Variants in CGGBP1 observed in about 807,000 individuals in gnomAD.
CGGBP1 encodes CGG triplet repeat-binding protein 1.
Under a neutral mutation model 11.4 loss-of-function variants are expected in CGGBP1, and 4 were observed. The ratio of observed to expected loss-of-function variants is 0.35; its 90% CI spans 0.17 to 0.80. The LOEUF is 0.80. CGGBP1 is among the 30% of genes least tolerant of loss of function. CGGBP1 has a pLI of 0.52. For synonymous variants in CGGBP1, 76 were observed against 74.1 expected, an observed-to-expected ratio of 1.03 and a Z score of -0.13; for missense variants, 135 against 202.1, an observed-to-expected ratio of 0.67 and a Z score of 2.01.
At chr3:88,056,839 ATTT>A (rs1367362839) in intron 3 of CGGBP1, 3 of 152,190 alleles carry the variant, frequency 2.0e-5, no homozygotes, top group Non-Finnish European at 4.4e-5. Context: ...TTGTCCAAAT[ATTT>A]ATATTTATTT....
chr3:88,146,758 C>G (rs1317232275), intron 1 of CGGBP1, among the ~76,000 whole-genome samples: 1 of 152,082 alleles, frequency 6.6e-6, no homozygotes, highest in Non-Finnish European at 1.5e-5. Context: ...TTTGCCTGTC[C>G]CATCTCATTC....
At chr3:88,071,664 C>G (rs550359883) in intron 2 of CGGBP1, among the ~76,000 whole-genome samples, 1 of 151,546 alleles carries the variant, frequency 6.6e-6, no homozygotes, top group Non-Finnish European at 1.5e-5. Context: ...ATTAGCCGGG[C>G]GTGGTGGCGG....
chr3:88,130,353 A>G (rs888957031), intron 2 of CGGBP1, among the ~76,000 whole-genome samples: 1 of 152,190 alleles, frequency 6.6e-6, no homozygotes, highest in African/African-American at 2.4e-5. Context: ...TGAAATGATC[A>G]TGGGCTATAA....
intron 2 of CGGBP1, among the ~76,000 whole-genome samples, chr3:88,085,167 GTTC>G (rs925504953): frequency 3.9e-5 from 6 of 152,200 alleles, no homozygotes; most frequent in Admixed American, 2.0e-4. Flanking sequence ...GGCTCTGAGT[GTTC>G]TTGGCTTTTC....
chr3:88,127,104 T>G lies in CGGBP1; in HGVS notation c.-229+13866A>C. ...CAGTAACAGTGAATAAGCACTAAAG[T>G]GTAGAAAACATTTAAAAGTGTGGAG... On this transcript the variant is annotated intron_variant, in intron 2 of 3. Transcript: ENST00000462901. 1.3e-5 allele frequency among the ~76,000 whole-genome samples: 2 copies of G among 152,054 alleles called. 1 individual carries two copies. Among genetic ancestry groups the G allele is most frequent in the East Asian group, 3.9e-4 (2 of 5,182 alleles).
intron 2 of CGGBP1, among the ~76,000 whole-genome samples, chr3:88,131,696 G>C (rs1176551038): frequency 6.6e-6 from 1 of 152,098 alleles, no homozygotes; most frequent in Non-Finnish European, 1.5e-5. Context: ...GGAGTCTTTA[G>C]CCTTCTTTTT....
intron 2 of CGGBP1, among the ~76,000 whole-genome samples, chr3:88,115,172 T>C (rs1705316350): frequency 6.6e-6 from 1 of 152,198 alleles, no homozygotes; most frequent in Non-Finnish European, 1.5e-5. Flanking sequence ...GGAGGGGACC[T>C]GATAGTCTGC....
chr3:88,100,036 C>G (rs1704315245), intron 2 of CGGBP1, among the ~76,000 whole-genome samples: 1 of 152,138 alleles, frequency 6.6e-6, no homozygotes, highest in Non-Finnish European at 1.5e-5. Context: ...AGTGAACAGG[C>G]AACCTGCAGA....
At chr3:88,108,168 C>T (rs1357536794) in intron 2 of CGGBP1, among the ~76,000 whole-genome samples, 4 of 151,410 alleles carry the variant, frequency 2.6e-5, no homozygotes, top group Non-Finnish European at 5.9e-5. Context: ...TATATGAATT[C>T]AGGTCACGAC....
chr3:88,095,613 G>T, intron 2 of CGGBP1: 1 of 517,888 alleles, frequency 1.9e-6, no homozygotes, highest in South Asian at 1.4e-5. Context: ...GATCTTTTCT[G>T]GTTCTAGTCT....
upstream of CGGBP1, chr3:88,059,298 C>A: frequency 6.5e-7 from 1 of 1,531,922 alleles, no homozygotes; most frequent in South Asian, 1.2e-5. Flanking sequence ...GGGGCTGGTA[C>A]GCGCTGGGCG....
chr3:88,127,446 T>A (rs1373946722), intron 2 of CGGBP1, among the ~76,000 whole-genome samples: 16 of 147,668 alleles, frequency 1.1e-4, no homozygotes, highest in South Asian at 2.1e-4. Flanking sequence ...GAAAGGGAGT[T>A]AAAAAAAAAA....
At chr3:88,059,878 C>T (rs1447776008), upstream of CGGBP1, among the ~76,000 whole-genome samples, 1 of 152,128 alleles carries the variant, frequency 6.6e-6, no homozygotes, top group Non-Finnish European at 1.5e-5. Context: ...CATTTGGCAC[C>T]TCTGGTAACA....
intron 1 of CGGBP1, chr3:88,143,149 C>T (rs1000198310): frequency 3.9e-5 from 6 of 152,160 alleles, no homozygotes; most frequent in African/African-American, 1.2e-4. Flanking sequence ...GAGGCTATTA[C>T]GGAAGTGGGG....
rs577651765 is a variant in CGGBP1 at position 88,081,902 on chromosome 3, T to C, written c.-228-23679A>G. On this transcript the variant is annotated intron_variant, in intron 2 of 3. Transcript: ENST00000462901. ...TCAATGGATAGCTAGGAAATACTTT[T>C]ATATATACAACTACGTTACAAATGA... 2.6e-5 allele frequency among the ~76,000 whole-genome samples: 4 copies of C among 152,322 alleles called. No homozygotes were observed. In the East Asian group the frequency reaches 5.8e-4, roughly 22 times the overall value.
At chr3:88,138,605 A>T in intron 2 of CGGBP1, 1 of 638,496 alleles carries the variant, frequency 1.6e-6, no homozygotes, top group Non-Finnish European at 2.2e-6. Context: ...TACTATGTTT[A>T]TTCAGCTTTC....
intron 2 of CGGBP1, among the ~76,000 whole-genome samples, chr3:88,077,616 A>C (rs1707882884): frequency 6.6e-6 from 1 of 152,196 alleles, no homozygotes; most frequent in South Asian, 2.1e-4. Flanking sequence ...ATGTCAGAAA[A>C]ATTATACTGC....
At chr3:88,119,803 T>C (rs1391350863) in intron 2 of CGGBP1, among the ~76,000 whole-genome samples, 1 of 152,174 alleles carries the variant, frequency 6.6e-6, no homozygotes, top group Non-Finnish European at 1.5e-5. Flanking sequence ...TCATTACTTA[T>C]TTTAAAATGC....
At chr3:88,060,489 T>C (rs1335821369), upstream of CGGBP1, among the ~76,000 whole-genome samples, 1 of 152,176 alleles carries the variant, frequency 6.6e-6, no homozygotes. Flanking sequence ...GGGAAAAAAA[T>C]TAACTGCTCC....
Sources: allele counts gnomAD v4.1 joint callset (sites outside exome capture counted in the v4.1 genomes callset), GRCh38; gene constraint gnomAD v4.1.1; transcripts MANE v1.5; gene names NCBI Gene and HGNC (gene_info 2026-07-23, HGNC 2026-07-21).